CCSER1: variants seen among roughly 807,000 people sequenced by gnomAD.
CCSER1 encodes the protein coiled-coil serine rich protein 1.
In CCSER1, 41 loss-of-function variants were observed where a neutral mutation model predicts 82.0. That is an observed-to-expected ratio of 0.50 (90% CI 0.39 to 0.65). The LOEUF is 0.65. Among genes scored for constraint, CCSER1 ranks in the 30% least tolerant of loss-of-function variants. The pLI is 0.00. For synonymous variants in CCSER1, 414 were observed against 383.9 expected, an observed-to-expected ratio of 1.08 and a Z score of -0.92; for missense variants, 1,119 against 1,064.2, an observed-to-expected ratio of 1.05 and a Z score of -0.72.
chr4:90,186,434 C>A (rs1247158195), intron 1 of CCSER1, among the ~76,000 whole-genome samples: 1 of 151,956 alleles, frequency 6.6e-6, no homozygotes, highest in African/African-American at 2.4e-5. Flanking sequence ...TACTGTGATT[C>A]ATTTTCATCT....
At chr4:90,833,346 TA>T (rs1426490435) in intron 8 of CCSER1, among the ~76,000 whole-genome samples, 16 of 152,184 alleles carry the variant, frequency 1.1e-4, no homozygotes, top group African/African-American at 3.6e-4. Flanking sequence ...CACCTCTTAA[TA>T]GAGTTGCATT....
intron 10 of CCSER1, among the ~76,000 whole-genome samples, chr4:91,381,704 C>T (rs189402217): frequency 9.7e-4 from 147 of 152,208 alleles, no homozygotes; most frequent in Middle Eastern, 3.4e-3. Flanking sequence ...CTCCTTTGCT[C>T]GGAGAAGTTT....
chr4:91,595,943 TA>T (rs1170927227), intron 10 of CCSER1, among the ~76,000 whole-genome samples: 19,608 of 78,834 alleles, frequency 0.25, 1,968 homozygotes, highest in East Asian at 0.52. Flanking sequence ...ACAGAGAACT[TA>T]AAAAAAAAAA....
chr4:90,602,038 G>T (rs1784094219), intron 5 of CCSER1, among the ~76,000 whole-genome samples: 1 of 152,050 alleles, frequency 6.6e-6, no homozygotes, highest in Admixed American at 6.6e-5. Context: ...GGATGGAGTG[G>T]TCTATAAATT....
chr4:90,921,383 A>G (rs577178520), intron 8 of CCSER1, among the ~76,000 whole-genome samples: 6 of 152,138 alleles, frequency 3.9e-5, no homozygotes, highest in African/African-American at 1.4e-4. Context: ...CATACGTAAT[A>G]CCATAATAAA....
intron 8 of CCSER1, among the ~76,000 whole-genome samples, chr4:90,885,570 T>G (rs1722000019): frequency 6.6e-6 from 1 of 152,148 alleles, no homozygotes; most frequent in Non-Finnish European, 1.5e-5. Flanking sequence ...CCTTAGAGAA[T>G]AGAGAATATT....
At chr4:90,258,239 G>T (rs1031187503) in intron 1 of CCSER1, among the ~76,000 whole-genome samples, 1 of 152,204 alleles carries the variant, frequency 6.6e-6, no homozygotes, top group African/African-American at 2.4e-5. Context: ...TATCGGATGG[G>T]CACGGTGGCT....
At chr4:90,689,839 G>A (rs1472777855) in intron 6 of CCSER1, among the ~76,000 whole-genome samples, 9 of 152,124 alleles carry the variant, frequency 5.9e-5, no homozygotes, top group Non-Finnish European at 1.3e-4. Context: ...CCTGACCCTA[G>A]ACAAAGAAGT....
intron 6 of CCSER1, among the ~76,000 whole-genome samples, chr4:90,682,613 G>T (rs569766384): frequency 1.3e-5 from 2 of 151,864 alleles, no homozygotes; most frequent in Non-Finnish European, 1.5e-5. Context: ...GTCATTCAGG[G>T]TCTCATAACT....
chr4:91,084,186 C>T (rs778716471), intron 9 of CCSER1, among the ~76,000 whole-genome samples: 1 of 152,044 alleles, frequency 6.6e-6, no homozygotes, highest in Non-Finnish European at 1.5e-5. Flanking sequence ...CCTGCCTGTG[C>T]CTCCCAAAGT....
At chr4:90,465,839 T>C (rs1488593672) in intron 4 of CCSER1, among the ~76,000 whole-genome samples, 1 of 152,192 alleles carries the variant, frequency 6.6e-6, no homozygotes, top group Non-Finnish European at 1.5e-5. Flanking sequence ...CCATGTGAAC[T>C]TCAGTTTGAA....
intron 9 of CCSER1, among the ~76,000 whole-genome samples, chr4:91,010,857 A>G (rs1256571178): frequency 1.5e-5 from 2 of 134,482 alleles, no homozygotes; most frequent in Non-Finnish European, 3.5e-5. Flanking sequence ...ACTCTCTTGT[A>G]TCTCACTGAG....
At chr4:90,980,512 A>T (rs148390336) in intron 9 of CCSER1, among the ~76,000 whole-genome samples, 52 of 151,954 alleles carry the variant, frequency 3.4e-4, no homozygotes, top group Middle Eastern at 3.4e-3. Flanking sequence ...AATCACTTTG[A>T]ATTCTTGATG....
chr4:90,926,406 A>C (rs1029282698), intron 9 of CCSER1, among the ~76,000 whole-genome samples: 5 of 152,024 alleles, frequency 3.3e-5, no homozygotes, highest in African/African-American at 1.2e-4. Context: ...TGAGTATCAG[A>C]ATATATGATA....
In CCSER1 at chr4:91,222,410, A is replaced by C. The variant is rs117398416; in HGVS notation, c.2217+136416A>C. 3.3e-3 allele frequency among the ~76,000 whole-genome samples: 496 copies of C among 152,236 alleles called. 8 individuals carry two copies. The highest frequency in any genetic ancestry group is 0.032 in the East Asian group (163 of 5,170). ...ATTTGTAGCCAAAAGAGCTTTAAGT[A>C]AGAGAGGTAAAAATGTTCAATAAAT... On this transcript the variant is annotated intron_variant, in intron 10 of 10. Coordinates refer to ENST00000509176, the MANE Select transcript of CCSER1 (RefSeq NM_001145065.2).
At chr4:90,430,493 T>A (rs1758121114) in intron 4 of CCSER1, among the ~76,000 whole-genome samples, 1 of 151,880 alleles carries the variant, frequency 6.6e-6, no homozygotes, top group Non-Finnish European at 1.5e-5. Flanking sequence ...TTAAAGCATA[T>A]GTAAAATAAA....
chr4:90,511,402 G>A (rs1771486976), intron 5 of CCSER1, among the ~76,000 whole-genome samples: 1 of 152,158 alleles, frequency 6.6e-6, no homozygotes, highest in Non-Finnish European at 1.5e-5. Flanking sequence ...TGGTGATAGA[G>A]CAAGACTCCA....
chr4:91,279,694 A>T (rs982061722), intron 10 of CCSER1, among the ~76,000 whole-genome samples: 2 of 152,084 alleles, frequency 1.3e-5, no homozygotes, highest in African/African-American at 4.8e-5. Flanking sequence ...TCTTGTTTCT[A>T]AGTGAGCTTC....
At chr4:90,685,967 T>TAACA (rs1734750493) in intron 6 of CCSER1, among the ~76,000 whole-genome samples, 1 of 152,174 alleles carries the variant, frequency 6.6e-6, no homozygotes, top group Admixed American at 6.6e-5. Context: ...GATTGCACAT[T>TAACA]TTTAACAGGC....
Sources: gnomAD v4.1 joint callset for allele counts (sites outside exome capture counted in the v4.1 genomes callset) on GRCh38, gnomAD v4.1.1 for gene constraint, MANE v1.5 for transcripts, NCBI Gene and HGNC (gene_info 2026-07-23, HGNC 2026-07-21) for gene names.